The following USP6 variants were observed in gnomAD, a reference collection of about 807,000 sequenced individuals.
USP6 encodes the protein ubiquitin specific peptidase 6.
USP6 carries 128 observed loss-of-function variants against 175.7 expected under a neutral mutation model. That is an observed-to-expected ratio of 0.73 (90% CI 0.63 to 0.84). The LOEUF (loss-of-function observed/expected upper bound fraction) is 0.84. USP6 is among the 40% of genes least tolerant of loss of function. The pLI, the probability that USP6 is intolerant of heterozygous loss-of-function variation, is 0.00. For synonymous variants in USP6, 562 were observed against 630.6 expected, an observed-to-expected ratio of 0.89 and a Z score of 1.63; for missense variants, 1,498 against 1,760.3, an observed-to-expected ratio of 0.85 and a Z score of 2.67.
chr17:5,135,751 C>G lies in USP6; in HGVS notation c.544-57C>G, dbSNP rs1286476031. 3.1e-6 allele frequency: 5 copies of G among 1,597,016 alleles called. No individual in the cohort carries two copies. The East Asian group carries it at 1.1e-4, about 36-fold the overall frequency. On this transcript the variant is annotated intron_variant, in intron 16 of 37. Coordinates refer to ENST00000574788, the MANE Select transcript of USP6 (RefSeq NM_001304284.2). ...CCCTCTCCAATGACATGAGTCCTCC[C>G]AGGTGACCTCAGCCCTCCCAGGTGA...
chr17:5,120,320 C>G (rs1300588616), intron 2 of USP6, among the ~76,000 whole-genome samples: 1 of 152,046 alleles, frequency 6.6e-6, no homozygotes, highest in Non-Finnish European at 1.5e-5. Flanking sequence ...AGTGAGGTCG[C>G]CTGTGGTCAT....
At position 5,125,666 on chromosome 17, in the gene USP6, ACACACGCACATG is replaced by A. The variant is rs1188018935; in HGVS notation, c.-591-149_-591-138del. Among the ~76,000 whole-genome samples, 782 of 134,796 alleles carry A rather than the reference ACACACGCACATG, an allele frequency of 5.8e-3. 4 individuals carry two copies. The highest frequency in any genetic ancestry group is 9.5e-3 in the Non-Finnish European group (589 of 62,274). 88.4% of individuals were successfully genotyped at this position (134,796 alleles called of 152,430 possible). A position where few individuals can be genotyped will look rare whatever the true frequency, so the allele number is the denominator to read the frequency against. On this transcript the variant is annotated intron_variant, in intron 5 of 37. Coordinates refer to ENST00000574788, the MANE Select transcript of USP6 (RefSeq NM_001304284.2). Reference sequence around the variant, plus strand: ...ACCCTTGCAACACACAAACACGCACACACACGCACATGCACACACACACACACACACACACAC... The same window carrying A: ...ACCCTTGCAACACACAAACACGCACACACACACACACACACACACACACAC...
In USP6 at chr17:5,124,903, G is replaced by A. The variant is rs2143774089; in HGVS notation, c.-961G>A. ...TGCAAGGTAATTTTGGGTGGTTCAA[G>A]GTGAATAATTTCAATTGACATAATA... On this transcript the variant is annotated 5_prime_UTR_variant, in exon 5 of 38. Coordinates refer to ENST00000574788, the MANE Select transcript of USP6 (RefSeq NM_001304284.2). The A allele has an allele frequency of 6.6e-6, 1 of 152,308 alleles. No homozygotes were observed. Among genetic ancestry groups the A allele is most frequent in the South Asian group, 2.1e-4 (1 of 4,824 alleles). The allele number at this position is 152,308 out of a possible 1,614,324, so 9.4% of individuals were successfully genotyped here. A position where few individuals can be genotyped will look rare whatever the true frequency, so the allele number is the denominator to read the frequency against.
chr17:5,150,874 C>T (rs528819059), intron 30 of USP6, among the ~76,000 whole-genome samples: 8 of 152,232 alleles, frequency 5.3e-5, no homozygotes, highest in Non-Finnish European at 1.0e-4. Flanking sequence ...TCCAAAGGTT[C>T]TAGGAGAGAA....
intron 31 of USP6, among the ~76,000 whole-genome samples, chr17:5,159,301 A>T (rs752628009): frequency 9.8e-5 from 15 of 152,302 alleles, no homozygotes; most frequent in Middle Eastern, 3.4e-3. Context: ...GGAGGTAGAA[A>T]AGTTTGTATT....
At chr17:5,161,679 T>C in intron 32 of USP6, 65 bp downstream of exon 32, 1 of 1,556,278 alleles carries the variant, frequency 6.4e-7, no homozygotes, top group South Asian at 1.1e-5. Flanking sequence ...ACAATTTTCC[T>C]AAGATTTCCA....
intron 16 of USP6, among the ~76,000 whole-genome samples, chr17:5,135,538 A>G (rs1040765584): frequency 1.3e-5 from 2 of 152,142 alleles, no homozygotes; most frequent in African/African-American, 4.8e-5. Context: ...TCAGAACAAG[A>G]AATGACGCCC....
At chr17:5,135,390 C>G in intron 16 of USP6, 108 bp downstream of exon 16, 1 of 1,407,028 alleles carries the variant, frequency 7.1e-7, no homozygotes, top group Non-Finnish European at 1.0e-6. Flanking sequence ...TTGTGACTCA[C>G]CAGGATATAG....
intron 30 of USP6, among the ~76,000 whole-genome samples, chr17:5,151,538 A>T (rs1304135079): frequency 1.1e-4 from 16 of 152,134 alleles, no homozygotes; most frequent in South Asian, 4.1e-4. Flanking sequence ...GATACTCTTG[A>T]AGAAGAATAA....
At chr17:5,124,118 C>T (rs1013314776) in intron 4 of USP6, among the ~76,000 whole-genome samples, 7 of 152,210 alleles carry the variant, frequency 4.6e-5, no homozygotes, top group African/African-American at 1.2e-4. Context: ...CTCAACTATA[C>T]GAGGACACTG....
At chr17:5,160,004 C>T (rs1598084216) in intron 31 of USP6, among the ~76,000 whole-genome samples, 1 of 151,032 alleles carries the variant, frequency 6.6e-6, no homozygotes, top group African/African-American at 2.4e-5. Flanking sequence ...GCAGGGGGAG[C>T]AGGATTCTCA....
Position 5,116,136 on chromosome 17 carries a change from T to G in USP6, c.-2532T>G, listed in dbSNP as rs1398295956. ...AGGCGCCCATCAGTCTTCCCCTCAC[T>G]CGACGCTACCTTGGCGGCCGCGCCC... On this transcript the variant is annotated 5_prime_UTR_variant, in exon 1 of 38. Coordinates refer to ENST00000574788, the MANE Select transcript of USP6 (RefSeq NM_001304284.2). Among the ~76,000 whole-genome samples the G allele has an allele frequency of 6.6e-6, 1 of 152,162 alleles. No homozygotes were observed. The highest frequency in any genetic ancestry group is 1.5e-5 in the Non-Finnish European group (1 of 68,014).
In USP6 at chr17:5,120,161, G is replaced by A. The variant is rs567565340; in HGVS notation, c.-1836-466G>A. Among the ~76,000 whole-genome samples, 28 of 152,288 alleles carry A rather than the reference G, an allele frequency of 1.8e-4. No individual in the cohort carries two copies. In the South Asian group the frequency reaches 4.1e-3, roughly 23 times the overall value. On this transcript the variant is annotated intron_variant, in intron 2 of 37. Coordinates refer to ENST00000574788, the MANE Select transcript of USP6 (RefSeq NM_001304284.2). ...GAAGGTGTTTCCCCCTGGCTTTGAG[G>A]CTGGTTATACATTGCTTTCCTCCAG...
chr17:5,134,246 C>T (rs534874859), intron 15 of USP6: 109 of 506,210 alleles, frequency 2.2e-4, no homozygotes, highest in East Asian at 1.3e-3. Flanking sequence ...GAAAATCACA[C>T]GCAATGGTGA....
intron 30 of USP6, among the ~76,000 whole-genome samples, chr17:5,152,012 G>T (rs189774612): frequency 3.9e-5 from 6 of 152,294 alleles, no homozygotes; most frequent in African/African-American, 1.4e-4. Flanking sequence ...GCCGAGATGA[G>T]ACGGACGGGT....
intron 21 of USP6, chr17:5,138,993 G>A: frequency 6.6e-7 from 1 of 1,519,758 alleles, no homozygotes; most frequent in Middle Eastern, 2.0e-4. Context: ...TGGGACGAAG[G>A]TGTGTGGCAG....
chr17:5,165,645 C>T (rs1304192776), intron 33 of USP6, among the ~76,000 whole-genome samples: 1 of 152,062 alleles, frequency 6.6e-6, no homozygotes, highest in Admixed American at 6.6e-5. Flanking sequence ...AATTCTTAGG[C>T]CTCTCTCTTT....
chr17:5,158,006 G>T lies in USP6; in HGVS notation c.2828+2400G>T, dbSNP rs572499918. On this transcript the variant is annotated intron_variant, in intron 31 of 37. Transcript: ENST00000574788. ...AAAAAGGAAAACTGGAGAAGGAGCAGATTTTGGCAAGAAAAGACAGGAATC... is the reference window on the plus strand; with the variant it reads ...AAAAAGGAAAACTGGAGAAGGAGCATATTTTGGCAAGAAAAGACAGGAATC... Among the ~76,000 whole-genome samples the T allele has an allele frequency of 2.0e-5, 3 of 152,278 alleles. No homozygotes were observed. In the South Asian group the frequency reaches 6.2e-4, roughly 32 times the overall value.
rs1356353406 is a variant in USP6, at chr17:5,159,819, C to G, written c.2829-1709C>G. The stretch of plus-strand genomic sequence containing the variant: ...CTTTACAAAAAATGTAAAAATTAGC[C>G]AGGTATGGTGGTGCATGCCTGTAAT... On this transcript the variant is annotated intron_variant, in intron 31 of 37. Transcript: ENST00000574788. Among the ~76,000 whole-genome samples, 4 of 151,910 alleles carry G rather than the reference C, an allele frequency of 2.6e-5. No individual in the cohort carries two copies. In the South Asian group the frequency reaches 8.3e-4, roughly 32 times the overall value.
Sources: allele counts gnomAD v4.1 joint callset (sites outside exome capture counted in the v4.1 genomes callset), GRCh38; gene constraint gnomAD v4.1.1; transcripts MANE v1.5; gene names NCBI Gene and HGNC (gene_info 2026-07-23, HGNC 2026-07-21).